The following CD300LD variants were observed in gnomAD, a reference collection of about 807,000 sequenced individuals.
CD300LD encodes CD300 molecule like family member d.
CD300LD carries 18 observed loss-of-function variants against 20.3 expected under a neutral mutation model. The ratio of observed to expected loss-of-function variants is 0.89; its 90% CI spans 0.61 to 1.32. The LOEUF (loss-of-function observed/expected upper bound fraction) is 1.32, where lower values mean the gene tolerates loss of function less well. CD300LD is among the 40% of genes most tolerant of loss of function. The pLI, the probability that CD300LD is intolerant of heterozygous loss-of-function variation, is 0.00. For missense variants in CD300LD, 195 were observed against 226.6 expected (o/e 0.86, Z 0.90); for synonymous variants, 104 against 90.1 (o/e 1.15, Z -0.87).
chr17:74,580,900 TAAAA>T (rs372413183), intron 3 of CD300LD, among the ~76,000 whole-genome samples: 13 of 123,410 alleles, frequency 1.1e-4, no homozygotes, highest in Admixed American at 1.7e-4. Flanking sequence ...GCCCCATCTC[TAAAA>T]AAAAAAAAAA....
At chr17:74,581,823 A>G (rs373339101) in intron 3 of CD300LD, among the ~76,000 whole-genome samples, 2 of 152,190 alleles carry the variant, frequency 1.3e-5, no homozygotes, top group East Asian at 1.9e-4. Flanking sequence ...CATGTAGCCA[A>G]CACTTAGATG....
intron 2 of CD300LD, among the ~76,000 whole-genome samples, chr17:74,583,749 C>CTTT (rs34787485): frequency 3.1e-5 from 3 of 98,040 alleles, no homozygotes; most frequent in East Asian, 2.8e-4. Flanking sequence ...GAGTATTTCA[C>CTTT]TTTTTTTTTT....
rs763882457 is a variant in CD300LD at position 74,582,281 on chromosome 17, G to A, written c.410C>T (p.Thr137Ile). ...TGTGAAAGCCAGGCTTGCTGTTGTG[G>A]TTGTCCATTCTGAGACTGCAGTTTG... ...GTQTAVSEWT[T>I]TTASLAFTAA... The change falls in exon 3 of 4, where the codon ACC becomes ATC. Residue 137 changes from threonine to isoleucine, a missense_variant. Transcript: ENST00000375352. 6.2e-7 allele frequency: 1 copy of A among 1,613,804 alleles called. No individual in the cohort carries two copies.
chr17:74,585,400 C>G (rs1276510453), intron 2 of CD300LD, among the ~76,000 whole-genome samples: 2 of 152,100 alleles, frequency 1.3e-5, no homozygotes, highest in African/African-American at 4.8e-5. Context: ...ACCCACAGTA[C>G]CAATTAAAAA....
chr17:74,580,087 A>AGGAACT lies in CD300LD; in HGVS notation c.499_500insAGTTCC (p.Phe166_Leu167insGlnPhe). ...AGGCAGCTCCAGGAGGAACAGGAAC[A>AGGAACT]GGAAGTGGGTGCTCTTGAGCGGGGA... On this transcript the variant is annotated inframe_insertion, in exon 4 of 4. Coordinates refer to ENST00000375352, the MANE Select transcript of CD300LD (RefSeq NM_001115152.2). The AGGAACT allele has an allele frequency of 6.2e-7, 1 of 1,612,868 alleles. No individual in the cohort carries two copies. The highest frequency in any genetic ancestry group is 8.5e-7 in the Non-Finnish European group (1 of 1,179,318).
downstream of CD300LD, among the ~76,000 whole-genome samples, chr17:74,578,665 C>T (rs2029969246): frequency 6.6e-6 from 1 of 152,168 alleles, no homozygotes; most frequent in African/African-American, 2.4e-5. Context: ...GCCACTGCGC[C>T]CAGCATTTTG....
intron 3 of CD300LD, among the ~76,000 whole-genome samples, chr17:74,581,095 T>C (rs964235374): frequency 6.6e-6 from 1 of 151,266 alleles, no homozygotes; most frequent in Non-Finnish European, 1.5e-5. Flanking sequence ...CTGCTACACC[T>C]CTGGAGTCCT....
intron 3 of CD300LD, among the ~76,000 whole-genome samples, chr17:74,581,235 C>T (rs949906992): frequency 3.3e-5 from 5 of 151,452 alleles, no homozygotes; most frequent in African/African-American, 1.2e-4. Context: ...TCTGCAGATG[C>T]ATTCTCAGAA....
chr17:74,581,176 CA>C (rs369390275), intron 3 of CD300LD, among the ~76,000 whole-genome samples: 73 of 142,238 alleles, frequency 5.1e-4, no homozygotes, highest in African/African-American at 1.6e-3. Flanking sequence ...AAAAAACAAA[CA>C]AAAAAAAAAC....
intron 1 of CD300LD, among the ~76,000 whole-genome samples, chr17:74,591,259 A>T (rs580130): frequency 0.33 from 36,902 of 112,748 alleles, 6,196 homozygotes; most frequent in African/African-American, 0.57. Flanking sequence ...ACAAAAAAAA[A>T]AAAAATAAAA....
At chr17:74,590,259 T>C (rs1226564471) in intron 1 of CD300LD, among the ~76,000 whole-genome samples, 1 of 152,148 alleles carries the variant, frequency 6.6e-6, no homozygotes, top group Non-Finnish European at 1.5e-5. Flanking sequence ...CCTTCCACCA[T>C]GATTGTGAGG....
At chr17:74,582,131 T>C in intron 3 of CD300LD, 87 bp downstream of exon 3, 2 of 987,282 alleles carry the variant, frequency 2.0e-6, no homozygotes, top group Non-Finnish European at 3.1e-6. Context: ...TAACTGGGCA[T>C]GCTATTGTTG....
chr17:74,591,979 T>C (rs2030330746), intron 1 of CD300LD, 184 bp downstream of exon 1: 24 of 1,510,112 alleles, frequency 1.6e-5, no homozygotes, highest in Admixed American at 2.1e-5. Context: ...TGTTTGTTTC[T>C]GCAGCATCTA....
At chr17:74,587,798 A>T (rs1259273258) in intron 2 of CD300LD, among the ~76,000 whole-genome samples, 1 of 152,020 alleles carries the variant, frequency 6.6e-6, no homozygotes, top group Non-Finnish European at 1.5e-5. Context: ...CTGAAACTGG[A>T]ACCATCACCC....
At position 74,588,502 on chromosome 17, in the gene CD300LD, C is replaced by A. The variant is rs2030221962; in HGVS notation, c.379+9G>T. ...TGAGAGACACACACGTATATACACT[C>A]CCTCTTACCTGGGTTAATGGTCACT... is the stretch of plus-strand genomic sequence containing the variant. On this transcript the variant is annotated intron_variant, in intron 2 of 3. Transcript: ENST00000375352. The A allele has an allele frequency of 3.8e-6, 6 of 1,583,666 alleles. No homozygotes were observed. The East Asian group carries it at 1.3e-4, about 35-fold the overall frequency.
At position 74,588,702 on chromosome 17, in the gene CD300LD, A is replaced by G. The variant is rs1226756299; in HGVS notation, c.188T>C (p.Ile63Thr). The G allele has an allele frequency of 1.2e-6, 2 of 1,614,196 alleles. No individual in the cohort carries two copies. The highest frequency in any genetic ancestry group is 1.7e-6 in the Non-Finnish European group (2 of 1,180,036). Reference sequence around the variant, plus strand: ...CTCTGATCCATTTGTTTTAACAAGGATGTTACAGTAATTCCAATCAGCTCC... The same window carrying G: ...CTCTGATCCATTTGTTTTAACAAGGGTGTTACAGTAATTCCAATCAGCTCC... ...CQGADWNYCN[I>T]LVKTNGSEQE... The change falls in exon 2 of 4, where the codon ATC (isoleucine) becomes ACC (threonine). Residue 63 changes from isoleucine (I) to threonine (T), a missense_variant. Ile to Thr is a moderately conservative substitution (Grantham distance 89). Coordinates refer to ENST00000375352, the MANE Select transcript of CD300LD (RefSeq NM_001115152.2).
chr17:74,588,015 T>A (rs1279257497), intron 2 of CD300LD, among the ~76,000 whole-genome samples: 1 of 152,124 alleles, frequency 6.6e-6, no homozygotes, highest in Non-Finnish European at 1.5e-5. Context: ...TGGAATTGAG[T>A]CATTTATAAG....
chr17:74,588,611 G>T lies in CD300LD; in HGVS notation c.279C>A (p.Thr93=). Residue 93 remains threonine, a synonymous_variant, in exon 2 of 4, where the codon ACC becomes ACA. Coordinates refer to ENST00000375352, the MANE Select transcript of CD300LD (RefSeq NM_001115152.2). The stretch of plus-strand genomic sequence containing the variant: ...CATCATCTCTTTTGAGATTCTCCAT[G>T]GTCACGGTGAACACGTGGTTTTTCT... ...DNQKNHVFTV[T]MENLKRDDAD... is the part of the protein sequence containing the mutation. 1 of 1,613,980 alleles carries T rather than the reference G, an allele frequency of 6.2e-7. No individual in the cohort carries two copies. The highest frequency in any genetic ancestry group is 8.5e-7 in the Non-Finnish European group (1 of 1,179,896).
chr17:74,592,061 G>C, intron 1 of CD300LD, 102 bp downstream of exon 1: 1 of 1,608,898 alleles, frequency 6.2e-7, no homozygotes, highest in Non-Finnish European at 8.5e-7. Flanking sequence ...ATGAATTGGC[G>C]CTGTCATTTT....
Sources: gnomAD v4.1 joint callset for allele counts (sites outside exome capture counted in the v4.1 genomes callset) on GRCh38, gnomAD v4.1.1 for gene constraint, MANE v1.5 for transcripts, NCBI Gene and HGNC (gene_info 2026-07-23, HGNC 2026-07-21) for gene names.